The following PRIM2 variants were observed in gnomAD, a reference collection of about 807,000 sequenced individuals.
PRIM2 encodes DNA primase subunit 2, also known as DNA primase large subunit.
PRIM2 carries 39 observed loss-of-function variants against 67.3 expected under a neutral mutation model. The ratio of observed to expected loss-of-function variants is 0.58; its 90% confidence interval spans 0.45 to 0.76. The LOEUF (loss-of-function observed/expected upper bound fraction) is 0.76. PRIM2 is among the 30% of genes least tolerant of loss of function. The pLI, the probability that PRIM2 is intolerant of heterozygous loss-of-function variation, is 0.00. For synonymous variants in PRIM2, 143 were observed against 198.7 expected (o/e 0.72, Z 2.36); for missense variants, 398 against 598.7 (o/e 0.66, Z 3.50).
chr6:57,437,984 C>T (rs1023741547), intron 7 of PRIM2, among the ~76,000 whole-genome samples: 1 of 152,020 alleles, frequency 6.6e-6, no homozygotes, highest in Non-Finnish European at 1.5e-5. Flanking sequence ...ACATTCTTTC[C>T]CTGAATCCTA....
the PRIM2 span, among the ~76,000 whole-genome samples, chr6:57,268,420 A>G: frequency 1.3e-5 from 2 of 152,224 alleles, no homozygotes; most frequent in Non-Finnish European, 1.5e-5. Context: ...GGCTTTTAAA[A>G]TATCACATGA....
intron 5 of PRIM2, among the ~76,000 whole-genome samples, chr6:57,346,781 A>G (rs1261879698): frequency 6.6e-6 from 1 of 152,202 alleles, no homozygotes; most frequent in Non-Finnish European, 1.5e-5. Flanking sequence ...AATAAGAACC[A>G]GGGATGTGGA....
At chr6:57,534,310 T>TG (rs1385727461) in intron 9 of PRIM2, among the ~76,000 whole-genome samples, 1 of 151,528 alleles carries the variant, frequency 6.6e-6, no homozygotes, top group Admixed American at 6.6e-5. Context: ...TTCGACCCCC[T>TG]CCCCCCACAC....
Position 57,601,192 on chromosome 6 carries a change from A to C in PRIM2, c.1120A>C (p.Asn374His). ...CAGTTGCCTGAAGATTATTCTGTCCAATCCACCAAGCCAAGGGGATTATCA... is the reference window on the plus strand; with the variant it reads ...CAGTTGCCTGAAGATTATTCTGTCCCATCCACCAAGCCAAGGGGATTATCA... ...PFSCLKIILS[N>H]PPSQGDYHGC... Residue 374 changes from asparagine (N) to histidine (H), a missense_variant, in exon 11 of 14, where the codon AAT (asparagine) becomes CAT (histidine). By Grantham distance (68) the Asn-to-His change is moderately conservative. Transcript: ENST00000615550. 6.2e-7 allele frequency: 1 copy of C among 1,610,524 alleles called. No homozygotes were observed. The highest frequency in any genetic ancestry group is 8.5e-7 in the Non-Finnish European group (1 of 1,178,508).
At chr6:57,363,447 A>C (rs1027439260) in intron 5 of PRIM2, among the ~76,000 whole-genome samples, 2 of 152,182 alleles carry the variant, frequency 1.3e-5, no homozygotes, top group African/African-American at 4.8e-5. Context: ...ATGTTTTATT[A>C]CTATATACTA....
At chr6:57,267,974 G>A in the PRIM2 span, among the ~76,000 whole-genome samples, 1 of 152,038 alleles carries the variant, frequency 6.6e-6, no homozygotes. Context: ...TATGGGCATT[G>A]AGCATATGAG....
intron 7 of PRIM2, among the ~76,000 whole-genome samples, chr6:57,396,614 G>A (rs1770523744): frequency 6.6e-6 from 1 of 152,156 alleles, no homozygotes; most frequent in Non-Finnish European, 1.5e-5. Flanking sequence ...CTGCAATTCT[G>A]TATCTTCTGA....
the PRIM2 span, among the ~76,000 whole-genome samples, chr6:57,276,345 C>T: frequency 3.3e-5 from 5 of 152,048 alleles, no homozygotes; most frequent in South Asian, 1.0e-3. Context: ...GAGCTGAGAT[C>T]ATGCCACTGT....
the PRIM2 span, among the ~76,000 whole-genome samples, chr6:57,292,421 C>T: frequency 6.6e-6 from 1 of 152,104 alleles, no homozygotes; most frequent in Admixed American, 6.6e-5. Flanking sequence ...GCCATACTGC[C>T]CAAGGTAATT....
chr6:57,360,189 A>G (rs1769151982), intron 5 of PRIM2, among the ~76,000 whole-genome samples: 1 of 152,250 alleles, frequency 6.6e-6, no homozygotes, highest in African/African-American at 2.4e-5. Flanking sequence ...CAATATGTTC[A>G]GAGTACTGTG....
chr6:57,517,515 A>C (rs1774510988), intron 8 of PRIM2, among the ~76,000 whole-genome samples: 1 of 152,280 alleles, frequency 6.6e-6, no homozygotes, highest in East Asian at 1.9e-4. Flanking sequence ...AAAGAACTGA[A>C]TTTTAAATTT....
intron 10 of PRIM2, among the ~76,000 whole-genome samples, chr6:57,587,653 A>G (rs1234007951): frequency 5.4e-5 from 6 of 110,346 alleles, no homozygotes; most frequent in African/African-American, 7.1e-5. Context: ...AACAAGAGTG[A>G]GACTCTGTCT....
chr6:57,288,272 C>T, the PRIM2 span, among the ~76,000 whole-genome samples: 2 of 151,592 alleles, frequency 1.3e-5, no homozygotes, highest in African/African-American at 4.8e-5. Context: ...GTGCTCACAG[C>T]GTAAACAAAG....
At position 57,603,709 on chromosome 6, in the gene PRIM2, T is replaced by C. The variant is rs1247039162; in HGVS notation, c.1147+2490T>C. On this transcript the variant is annotated intron_variant, in intron 11 of 13. Transcript: ENST00000615550. ...GAATTTTAGAATAGTTGTTTTCTTA[T>C]TCTGTGAAAAATGACATTGGTAGTT... 4.0e-5 allele frequency among the ~76,000 whole-genome samples: 6 copies of C among 151,586 alleles called. No individual in the cohort carries two copies. The South Asian group carries it at 8.3e-4, about 21-fold the overall frequency.
rs1320589006 is a variant in PRIM2, at chr6:57,518,617, T to A, written c.761+11163T>A. Among the ~76,000 whole-genome samples, 251 of 152,204 alleles carry A rather than the reference T, an allele frequency of 1.6e-3. 1 individual carries two copies. Among genetic ancestry groups the A allele is most frequent in the Admixed American group, 3.1e-3 (48 of 15,280 alleles). ...CTGTCAGGTTAAAAAATTTTACCTT[T>A]AATTCCGTTTTCCAAGCTGCTAAAT... On this transcript the variant is annotated intron_variant, in intron 8 of 13. Coordinates refer to ENST00000615550, the MANE Select transcript of PRIM2 (RefSeq NM_000947.5).
chr6:57,568,743 A>AG (rs1775798365), intron 10 of PRIM2, among the ~76,000 whole-genome samples: 1 of 152,204 alleles, frequency 6.6e-6, no homozygotes, highest in Non-Finnish European at 1.5e-5. Context: ...TAAGACTTAA[A>AG]GGGGGTGTGC....
At chr6:57,221,584 G>A in the PRIM2 span, 1 of 152,424 alleles carries the variant, frequency 6.6e-6, no homozygotes, top group Admixed American at 6.5e-5. Flanking sequence ...GCCCTTACTG[G>A]TGTCTGGCCC....
At chr6:57,223,195 A>G in the PRIM2 span, among the ~76,000 whole-genome samples, 1 of 152,200 alleles carries the variant, frequency 6.6e-6, no homozygotes, top group African/African-American at 2.4e-5. Context: ...AAAGACAACA[A>G]AAGTACACAT....
chr6:57,493,749 A>G (rs1204986657), intron 7 of PRIM2: 2 of 152,218 alleles, frequency 1.3e-5, no homozygotes, highest in African/African-American at 4.8e-5. Context: ...TTATTTAAAG[A>G]TTGTGGCTGC....
Sources: allele counts gnomAD v4.1 joint callset (sites outside exome capture counted in the v4.1 genomes callset), GRCh38; gene constraint gnomAD v4.1.1; transcripts MANE v1.5; gene names NCBI Gene and HGNC (gene_info 2026-07-23, HGNC 2026-07-21).